Variants in LRP1 observed in about 807,000 individuals in gnomAD.
LRP1 encodes the protein prolow-density lipoprotein receptor-related protein 1.
LRP1 carries 51 observed loss-of-function variants against 541.5 expected under a neutral mutation model. The observed-to-expected ratio is 0.09, with a 90% CI of 0.08 to 0.12. LRP1 has a LOEUF of 0.12. LRP1 is among the 10% of genes least tolerant of loss of function. The pLI is 1.00. For missense variants in LRP1, 3,878 were observed against 6,376.2 expected (o/e 0.61, Z 13.34); for synonymous variants, 2,219 against 2,470.8 (o/e 0.90, Z 3.02).
chr12:57,212,682 T>C lies in LRP1; in HGVS notation c.*127T>C. 1 of 955,928 alleles carries C rather than the reference T, an allele frequency of 1.0e-6. No homozygotes were observed. The highest frequency in any genetic ancestry group is 1.5e-6 in the Non-Finnish European group (1 of 660,860). The allele number at this position is 955,928 out of a possible 1,614,324, so 59.2% of individuals were successfully genotyped here. A position where few individuals can be genotyped will look rare whatever the true frequency, so the allele number is the denominator to read the frequency against. On this transcript the variant is annotated 3_prime_UTR_variant, in exon 89 of 89. Transcript: ENST00000243077. The surrounding 1 kb of genome is among the most constrained non-coding windows in gnomAD (Gnocchi z 5.0). ...ATGTATAAATGTAAAAATGAAGGAA[T>C]TACATTTTATATGTGAGCGAGCAAG...
In LRP1 at chr12:57,156,357, C is replaced by A; in HGVS notation, c.1417+74C>A. The A allele has an allele frequency of 7.0e-7, 1 of 1,431,198 alleles. No homozygotes were observed. 88.7% of individuals were successfully genotyped at this position (1,431,198 alleles called of 1,614,324 possible). A position where few individuals can be genotyped will look rare whatever the true frequency, so the allele number is the denominator to read the frequency against. ...GCTCTGGGACCTTGGGATCACAGCCCCTCTCTGGGCCCTCCTGTGGGGACC... is the reference window on the plus strand; with the variant it reads ...GCTCTGGGACCTTGGGATCACAGCCACTCTCTGGGCCCTCCTGTGGGGACC... On this transcript the variant is annotated intron_variant, in intron 9 of 88. Coordinates refer to ENST00000243077, the MANE Select transcript of LRP1 (RefSeq NM_002332.3). The surrounding 1 kb of genome is among the most constrained non-coding windows in gnomAD (Gnocchi z 5.2).
chr12:57,185,523 T>G lies in LRP1; in HGVS notation c.6464-8T>G, dbSNP rs1355763229. The stretch of plus-strand genomic sequence containing the variant: ...AGGCCCTGCCCTCTGTACCCTCCCC[T>G]CCCCCAGGCACCAACGTGTGCGCGG... On this transcript the variant is annotated splice_region_variant and splice_polypyrimidine_tract_variant and intron_variant, in intron 40 of 88. Transcript: ENST00000243077. The surrounding 1 kb of genome is among the most constrained non-coding windows in gnomAD (Gnocchi z 4.9). 1 of 1,577,284 alleles carries G rather than the reference T, an allele frequency of 6.3e-7. No homozygotes were observed.
intron 6 of LRP1, chr12:57,149,149 C>T (rs2035476504): frequency 2.2e-6 from 1 of 453,210 alleles, no homozygotes; most frequent in Admixed American, 3.9e-5. Context: ...CTCAGCCTCC[C>T]ACCCTGCCTA....
At position 57,198,153 on chromosome 12, in the gene LRP1, C is replaced by T. The variant is rs764366947; in HGVS notation, c.9283-3C>T. Reference sequence around the variant, plus strand: ...GCTCTCCCTCCCCTGCCCCTTCCTGCAGGTCCTACACCGTACAGGCCTCAG... The same window carrying T: ...GCTCTCCCTCCCCTGCCCCTTCCTGTAGGTCCTACACCGTACAGGCCTCAG... On this transcript the variant is annotated splice_polypyrimidine_tract_variant and splice_region_variant and intron_variant, in intron 58 of 88. Coordinates refer to ENST00000243077, the MANE Select transcript of LRP1 (RefSeq NM_002332.3). 3.1e-6 allele frequency: 5 copies of T among 1,595,206 alleles called. No homozygotes were observed. Among genetic ancestry groups the T allele is most frequent in the Non-Finnish European group, 4.3e-6 (5 of 1,166,034 alleles).
chr12:57,187,082 G>T (rs1369117380), intron 41 of LRP1, among the ~76,000 whole-genome samples, 185 bp from the exon 42 acceptor site: 1 of 152,208 alleles, frequency 6.6e-6, no homozygotes, highest in East Asian at 1.9e-4. Flanking sequence ...GAGGACAGCA[G>T]AGGTTGGGGG....
At position 57,185,063 on chromosome 12, in the gene LRP1, G is replaced by T. The variant is rs749537992; in HGVS notation, c.6339-18G>T. 4.3e-6 allele frequency: 7 copies of T among 1,614,108 alleles called. No individual in the cohort carries two copies. In the South Asian group the frequency reaches 7.7e-5, roughly 18 times the overall value. ...CTGCCTCCACTGATGCCCTGCTTGT[G>T]CCCTGTCCTTCCCTCAGGACTCATG... is the stretch of plus-strand genomic sequence containing the variant. On this transcript the variant is annotated intron_variant, in intron 39 of 88. Coordinates refer to ENST00000243077, the MANE Select transcript of LRP1 (RefSeq NM_002332.3). The surrounding 1 kb of genome is among the most constrained non-coding windows in gnomAD (Gnocchi z 4.9).
In LRP1 at chr12:57,206,548, C is replaced by T. The variant is rs2036783390; in HGVS notation, c.11666C>T (p.Ala3889Val). Residue 3889 changes from alanine (A) to valine (V), a missense_variant, in exon 76 of 89, where the codon GCT (alanine) becomes GTT (valine). Physicochemically the swap from Ala to Val is moderately conservative, Grantham distance 64. Transcript: ENST00000243077. This position sits in a 1 kb window ranked among gnomAD's most constrained non-coding sequence, Gnocchi z 4.7. ...CTGTTCCCCGGCCACCCCCATTCGG[C>T]TTACGAGCAGGCATTCCAGGGTGAC... ...RSLFPGHPHS[A>V]YEQAFQGDES... 5.0e-6 allele frequency: 8 copies of T among 1,614,192 alleles called. No individual in the cohort carries two copies. Among genetic ancestry groups the T allele is most frequent in the African/African-American group, 2.7e-5 (2 of 75,056 alleles).
Position 57,138,420 on chromosome 12 carries a change from C to A in LRP1, c.68-39C>A, listed in dbSNP as rs1356793495. On this transcript the variant is annotated intron_variant, in intron 1 of 88. Coordinates refer to ENST00000243077, the MANE Select transcript of LRP1 (RefSeq NM_002332.3). ...ACTTTGGGTTCACAGAGTTGGCCTCCATCCTTCATTTATATCCCCTTTTCT... is the reference window on the plus strand; with the variant it reads ...ACTTTGGGTTCACAGAGTTGGCCTCAATCCTTCATTTATATCCCCTTTTCT... 4 of 1,607,822 alleles carry A rather than the reference C, an allele frequency of 2.5e-6. No individual in the cohort carries two copies. The South Asian group carries it at 4.4e-5, about 18-fold the overall frequency.
Position 57,183,357 on chromosome 12 carries a change from C to G in LRP1, c.5663-22C>G, listed in dbSNP as rs771340222. 6.3e-7 allele frequency: 1 copy of G among 1,591,248 alleles called. No homozygotes were observed. The highest frequency in any genetic ancestry group is 2.3e-5 in the East Asian group (1 of 44,298). ...AAGGGAGTGTTGGCGATACCCATGC[C>G]TTAAGTTTCCTTGTCTTTCAGGCGT... On this transcript the variant is annotated intron_variant, in intron 34 of 88. Coordinates refer to ENST00000243077, the MANE Select transcript of LRP1 (RefSeq NM_002332.3). This position sits in a 1 kb window ranked among gnomAD's most constrained non-coding sequence, Gnocchi z 6.1.
intron 50 of LRP1, 27 bp downstream of exon 50, chr12:57,194,726 G>A: frequency 6.6e-7 from 1 of 1,525,202 alleles, no homozygotes; most frequent in South Asian, 1.3e-5. Context: ...CCCACTCAGT[G>A]CTCCAAGAGC....
chr12:57,147,157 A>G (rs2035427238), intron 6 of LRP1, among the ~76,000 whole-genome samples: 1 of 151,902 alleles, frequency 6.6e-6, no homozygotes, highest in Admixed American at 6.6e-5. Context: ...AGAAGAGTCC[A>G]AGGGGAAATG....
chr12:57,187,526 A>G, intron 42 of LRP1, 70 bp downstream of exon 42: 5 of 1,491,334 alleles, frequency 3.4e-6, no homozygotes, highest in Non-Finnish European at 4.5e-6. Context: ...CTCCCCAGGC[A>G]GATCCAAGCG....
In LRP1 at chr12:57,191,437, A is replaced by G. The variant is rs1368219011; in HGVS notation, c.7354A>G (p.Asn2452Asp). 1.9e-6 allele frequency: 3 copies of G among 1,613,080 alleles called. No individual in the cohort carries two copies. ...VQRANKHVGS[N>D]MKLLRVDIPQ... ...GCGGGCCAACAAGCACGTGGGCAGC[A>G]ACATGAAGCTGCTGCGCGTGGACAT... The change falls in exon 44 of 89, where the codon AAC becomes GAC. Residue 2452 changes from asparagine (N) to aspartate (D), a missense_variant. Around this residue, in one of 13 missense-constraint regions of LRP1, gnomAD observed 1,100 missense variants for 1,827.4 expected, o/e 0.60. Coordinates refer to ENST00000243077, the MANE Select transcript of LRP1 (RefSeq NM_002332.3).
chr12:57,164,103 G>A (rs1237301148), intron 15 of LRP1, among the ~76,000 whole-genome samples: 3 of 152,038 alleles, frequency 2.0e-5, no homozygotes, highest in African/African-American at 4.8e-5. Context: ...CCTGGGAAGC[G>A]GAGGTTGCAG....
At chr12:57,139,899 C>T (rs1262525502) in intron 2 of LRP1, among the ~76,000 whole-genome samples, 1 of 152,210 alleles carries the variant, frequency 6.6e-6, no homozygotes, top group Non-Finnish European at 1.5e-5. Context: ...CAGATACACT[C>T]TCACTACCTA....
chr12:57,202,175 A>C, intron 67 of LRP1, among the ~76,000 whole-genome samples: 1 of 150,994 alleles, frequency 6.6e-6, no homozygotes, highest in South Asian at 2.1e-4. Context: ...TTCCCTGCCC[A>C]CCCTATGGGA....
At chr12:57,140,532 C>T (rs2035267636) in intron 2 of LRP1, among the ~76,000 whole-genome samples, 1 of 152,104 alleles carries the variant, frequency 6.6e-6, no homozygotes. Context: ...ACATTTTATA[C>T]TTACAGTTTG....
At chr12:57,196,306 AC>A (rs1231964146) in intron 55 of LRP1, 29 bp downstream of exon 55, 1 of 1,527,066 alleles carries the variant, frequency 6.5e-7, no homozygotes, top group South Asian at 1.2e-5. Flanking sequence ...AGGAGCTTCC[AC>A]ACCCCAGACG....
chr12:57,167,374 C>G, intron 18 of LRP1, 70 bp from the exon 19 acceptor site: 1 of 1,166,244 alleles, frequency 8.6e-7, no homozygotes, highest in Non-Finnish European at 1.3e-6. Flanking sequence ...GGCCGCTGCA[C>G]TCACCTGCCC....
Sources: allele counts gnomAD v4.1 joint callset (sites outside exome capture counted in the v4.1 genomes callset), GRCh38; gene constraint gnomAD v4.1.1; regional missense constraint gnomAD v4.1.1; non-coding constraint Gnocchi (gnomAD v3.1); transcripts MANE v1.5; gene names NCBI Gene and HGNC (gene_info 2026-07-23, HGNC 2026-07-21).